Variants in ACSS3 observed in about 807,000 individuals in gnomAD.
ACSS3 encodes the protein acyl-CoA synthetase short chain family member 3.
A neutral mutation model predicts 84.2 loss-of-function variants in ACSS3; 64 were observed. That is an observed-to-expected ratio of 0.76 (90% CI 0.62 to 0.94). ACSS3 has a LOEUF of 0.94. Among genes scored for constraint, ACSS3 ranks in the 40% least tolerant of loss-of-function variants. ACSS3 has a pLI of 0.00. For synonymous variants in ACSS3, 317 were observed against 310.1 expected (o/e 1.02, Z -0.23); for missense variants, 815 against 867.6 (o/e 0.94, Z 0.76).
At chr12:81,102,245 G>A (rs34246226) in intron 1 of ACSS3, among the ~76,000 whole-genome samples, 53,353 of 152,000 alleles carry the variant, frequency 0.35, 11,868 homozygotes, top group Non-Finnish European at 0.5. Flanking sequence ...TCCTATGAGT[G>A]TTTAAGGAAG....
At chr12:81,162,747 C>G (rs142393250) in intron 7 of ACSS3, among the ~76,000 whole-genome samples, 261 of 152,232 alleles carry the variant, frequency 1.7e-3, no homozygotes, top group African/African-American at 6.1e-3. Context: ...ATGTGCTGAA[C>G]CATCCTCAGC....
At chr12:81,088,316 T>C (rs1881449775) in intron 1 of ACSS3, among the ~76,000 whole-genome samples, 1 of 152,090 alleles carries the variant, frequency 6.6e-6, no homozygotes, top group Non-Finnish European at 1.5e-5. Flanking sequence ...ACTGAGATTT[T>C]GCAATCGTTA....
At chr12:81,088,082 C>T (rs146218769) in intron 1 of ACSS3, among the ~76,000 whole-genome samples, 186 of 152,190 alleles carry the variant, frequency 1.2e-3, no homozygotes, top group African/African-American at 3.5e-3. Flanking sequence ...ATGCGATTAG[C>T]TTTGGCCACT....
intron 7 of ACSS3, among the ~76,000 whole-genome samples, chr12:81,172,562 G>C (rs554604057): frequency 6.6e-6 from 1 of 152,012 alleles, no homozygotes; most frequent in Non-Finnish European, 1.5e-5. Flanking sequence ...CTTCAACCCA[G>C]GAGGTCGAGG....
chr12:81,237,289 T>G (rs1424710226), intron 13 of ACSS3, among the ~76,000 whole-genome samples: 1 of 151,574 alleles, frequency 6.6e-6, no homozygotes, highest in Non-Finnish European at 1.5e-5. Flanking sequence ...ATTAAAGTTT[T>G]ATTATCCTTT....
At chr12:81,226,578 C>G (rs928372159) in intron 11 of ACSS3, among the ~76,000 whole-genome samples, 1 of 151,864 alleles carries the variant, frequency 6.6e-6, no homozygotes, top group African/African-American at 2.4e-5. Context: ...AGTAACTAAA[C>G]AAATTATTTG....
At chr12:81,156,909 G>T (rs1314395412) in intron 7 of ACSS3, among the ~76,000 whole-genome samples, 1 of 152,090 alleles carries the variant, frequency 6.6e-6, no homozygotes, top group Non-Finnish European at 1.5e-5. Flanking sequence ...TATTCCATGT[G>T]CCATCTACTA....
chr12:81,206,308 G>C (rs2032342751), intron 9 of ACSS3, among the ~76,000 whole-genome samples: 1 of 152,040 alleles, frequency 6.6e-6, no homozygotes, highest in African/African-American at 2.4e-5. Context: ...AGAACTCAAA[G>C]AGTTGGGTTG....
intron 10 of ACSS3, among the ~76,000 whole-genome samples, chr12:81,219,495 G>T (rs1041480823): frequency 1.3e-5 from 2 of 152,050 alleles, no homozygotes; most frequent in Admixed American, 6.6e-5. Context: ...ACTCTTTTAG[G>T]ATTCTATCAG....
At chr12:81,081,821 TAACTTA>T (rs1252743964) in intron 1 of ACSS3, among the ~76,000 whole-genome samples, 2 of 152,170 alleles carry the variant, frequency 1.3e-5, no homozygotes, top group Non-Finnish European at 2.9e-5. Context: ...TATTAGAAAA[TAACTTA>T]AGCTTGGCTA....
rs79031129 is a variant in ACSS3 at position 81,105,631 on chromosome 12, G to A, written c.312-3929G>A. Among the ~76,000 whole-genome samples the A allele has an allele frequency of 9.9e-4, 151 of 152,272 alleles. 2 individuals carry two copies. The East Asian group carries it at 0.027, about 27-fold the overall frequency. On this transcript the variant is annotated intron_variant, in intron 1 of 15. Transcript: ENST00000548058. Reference sequence around the variant, plus strand: ...ACTCTGTCTGGGTCCTAAATCCTATGCTTCTTGAAAGTTTAGTAACATTCT... The same window carrying A: ...ACTCTGTCTGGGTCCTAAATCCTATACTTCTTGAAAGTTTAGTAACATTCT...
chr12:81,137,609 T>C (rs1198969955), intron 3 of ACSS3, among the ~76,000 whole-genome samples: 4 of 152,188 alleles, frequency 2.6e-5, no homozygotes, highest in Non-Finnish European at 5.9e-5. Flanking sequence ...CAGTCTAGAC[T>C]CAATAAGATC....
chr12:81,169,391 A>G (rs1421476741), intron 7 of ACSS3, among the ~76,000 whole-genome samples: 2 of 152,180 alleles, frequency 1.3e-5, no homozygotes, highest in African/African-American at 4.8e-5. Flanking sequence ...AATGTTTTGA[A>G]AATTGGAACA....
chr12:81,108,764 A>T (rs1268563463), intron 1 of ACSS3, among the ~76,000 whole-genome samples: 1 of 152,156 alleles, frequency 6.6e-6, no homozygotes, highest in Admixed American at 6.5e-5. Flanking sequence ...GTAGTCTGAC[A>T]TTGGAAGAAA....
intron 9 of ACSS3, among the ~76,000 whole-genome samples, chr12:81,210,387 A>G (rs770595945): frequency 6.6e-6 from 1 of 152,228 alleles, no homozygotes; most frequent in Non-Finnish European, 1.5e-5. Flanking sequence ...TCAAAAGGTG[A>G]TATCTGAAAG....
Position 81,151,836 on chromosome 12 carries a change from C to G in ACSS3, c.922-8C>G. On this transcript the variant is annotated splice_region_variant and splice_polypyrimidine_tract_variant and intron_variant, in intron 5 of 15. Transcript: ENST00000548058. ...TATTGATTTTAATTTCACTTTTTCT[C>G]TCCTTAGGGTGTGATTAGGCCCACT... 1.2e-6 allele frequency: 2 copies of G among 1,607,226 alleles called. No individual in the cohort carries two copies.
At chr12:81,124,595 T>A (rs1023520527) in intron 2 of ACSS3, 1 of 152,240 alleles carries the variant, frequency 6.6e-6, no homozygotes, top group Non-Finnish European at 1.5e-5. Context: ...ACTTCAATGC[T>A]GCATTTTCTT....
chr12:81,237,969 G>A (rs2033679705), intron 13 of ACSS3, among the ~76,000 whole-genome samples: 1 of 151,664 alleles, frequency 6.6e-6, no homozygotes, highest in Admixed American at 6.6e-5. Context: ...TCTCACCATT[G>A]AGTATGATGT....
At chr12:81,116,282 A>G (rs1178227427) in intron 2 of ACSS3, among the ~76,000 whole-genome samples, 3 of 152,086 alleles carry the variant, frequency 2.0e-5, no homozygotes, top group African/African-American at 4.8e-5. Context: ...GAAGATAAGC[A>G]CTAGACAAAT....
Sources: gnomAD v4.1 joint callset for allele counts (sites outside exome capture counted in the v4.1 genomes callset) on GRCh38, gnomAD v4.1.1 for gene constraint, MANE v1.5 for transcripts, NCBI Gene and HGNC (gene_info 2026-07-23, HGNC 2026-07-21) for gene names.